TMEM117: variants seen among roughly 807,000 people sequenced by gnomAD.
The protein encoded by TMEM117 is transmembrane protein 117.
Under a neutral mutation model 52.4 loss-of-function variants are expected in TMEM117, and 27 were observed. That is an observed-to-expected ratio of 0.51 (90% CI 0.38 to 0.71). The LOEUF is 0.71. Ranked by LOEUF, TMEM117 falls within the 30% of genes least tolerant of loss-of-function variation. The probability of loss-of-function intolerance (pLI) is 0.00; values close to 1 mark genes in which losing one functional copy is unlikely to be tolerated. For missense variants in TMEM117, 556 were observed against 630.5 expected, an observed-to-expected ratio of 0.88 and a Z score of 1.26; for synonymous variants, 215 against 206.3, an observed-to-expected ratio of 1.04 and a Z score of -0.36.
At chr12:44,027,755 G>A (rs1236767032) in intron 3 of TMEM117, among the ~76,000 whole-genome samples, 1 of 152,170 alleles carries the variant, frequency 6.6e-6, no homozygotes, top group Non-Finnish European at 1.5e-5. Flanking sequence ...TGATTGTTAG[G>A]ATACCTTACA....
intron 2 of TMEM117, among the ~76,000 whole-genome samples, chr12:43,913,458 A>G (rs910937892): frequency 6.6e-5 from 10 of 152,198 alleles, no homozygotes; most frequent in Non-Finnish European, 1.5e-4. Context: ...ATGTTATGGG[A>G]TAAAAGATCC....
intron 4 of TMEM117, among the ~76,000 whole-genome samples, chr12:44,169,181 A>C (rs562249702): frequency 1.3e-5 from 2 of 152,136 alleles, no homozygotes; most frequent in Admixed American, 1.3e-4. Flanking sequence ...TTATCTCTTC[A>C]AGTCTCTGTT....
At chr12:44,284,383 T>G (rs1159732707) in intron 5 of TMEM117, among the ~76,000 whole-genome samples, 5 of 152,224 alleles carry the variant, frequency 3.3e-5, no homozygotes, top group African/African-American at 1.2e-4. Context: ...CACGTGGAAC[T>G]GTAAATCCAA....
intron 4 of TMEM117, among the ~76,000 whole-genome samples, chr12:44,206,900 C>G (rs1356321993): frequency 6.6e-6 from 1 of 152,104 alleles, no homozygotes; most frequent in African/African-American, 2.4e-5. Flanking sequence ...ATCACTTGTA[C>G]AGCAAACCCC....
chr12:43,972,366 C>T (rs904721000), intron 3 of TMEM117, among the ~76,000 whole-genome samples: 3 of 152,258 alleles, frequency 2.0e-5, no homozygotes, highest in East Asian at 1.9e-4. Context: ...AGAATGAAGC[C>T]GTGGACCTTT....
intron 6 of TMEM117, among the ~76,000 whole-genome samples, chr12:44,324,820 C>G (rs1430756426): frequency 6.6e-6 from 1 of 152,074 alleles, no homozygotes; most frequent in Non-Finnish European, 1.5e-5. Context: ...TTATCTGTAA[C>G]TGTATTAACA....
chr12:44,015,915 G>A (rs1196243231), intron 3 of TMEM117, among the ~76,000 whole-genome samples: 11 of 152,178 alleles, frequency 7.2e-5, no homozygotes, highest in Admixed American at 2.6e-4. Flanking sequence ...AAATTTTGAT[G>A]TAGAGAGTTT....
chr12:44,117,425 A>G (rs1033576047), intron 3 of TMEM117, among the ~76,000 whole-genome samples: 7 of 151,830 alleles, frequency 4.6e-5, no homozygotes, highest in African/African-American at 1.7e-4. Flanking sequence ...AATGCCTTTC[A>G]CTATTTGCAG....
chr12:44,093,254 T>G (rs958696516), intron 3 of TMEM117, among the ~76,000 whole-genome samples: 9 of 152,150 alleles, frequency 5.9e-5, no homozygotes, highest in Non-Finnish European at 1.2e-4. Flanking sequence ...CAAATTAAAT[T>G]ATATATTCAC....
chr12:44,195,887 CTAAA>C (rs1399029895), intron 4 of TMEM117, among the ~76,000 whole-genome samples: 2 of 138,012 alleles, frequency 1.4e-5, no homozygotes, highest in Non-Finnish European at 3.1e-5. Flanking sequence ...GACCCTGTCT[CTAAA>C]ATAAATAAAT....
chr12:43,882,269 G>C (rs1251995264), intron 2 of TMEM117, among the ~76,000 whole-genome samples: 2 of 151,834 alleles, frequency 1.3e-5, no homozygotes, highest in East Asian at 3.9e-4. Flanking sequence ...AGATCATCCT[G>C]GCCGACATGG....
At chr12:43,904,591 A>G (rs1259202382) in intron 2 of TMEM117, among the ~76,000 whole-genome samples, 1 of 152,056 alleles carries the variant, frequency 6.6e-6, no homozygotes, top group Non-Finnish European at 1.5e-5. Context: ...GCAAGTGCTT[A>G]ACCCTGCCTC....
chr12:44,270,163 T>C (rs1950428621), intron 5 of TMEM117, among the ~76,000 whole-genome samples: 1 of 152,116 alleles, frequency 6.6e-6, no homozygotes, highest in Non-Finnish European at 1.5e-5. Context: ...GTTGGAGTCA[T>C]AGAGATTAGG....
the TMEM117 span, among the ~76,000 whole-genome samples, chr12:43,824,790 A>G: frequency 3.3e-5 from 5 of 152,144 alleles, no homozygotes; most frequent in Admixed American, 1.3e-4. Flanking sequence ...TTAGCCGGGC[A>G]TGGTGGCGGG....
intron 5 of TMEM117, among the ~76,000 whole-genome samples, chr12:44,224,689 C>T (rs1257887610): frequency 6.6e-6 from 1 of 152,040 alleles, no homozygotes; most frequent in South Asian, 2.1e-4. Context: ...TAAGTGTGGT[C>T]CCCCAATCGC....
At chr12:44,018,725 CTTT>C (rs559433168) in intron 3 of TMEM117, among the ~76,000 whole-genome samples, 2 of 140,652 alleles carry the variant, frequency 1.4e-5, no homozygotes, top group Non-Finnish European at 1.6e-5. Context: ...CTTTTTCTTT[CTTT>C]TTTTTTTTTT....
intron 3 of TMEM117, among the ~76,000 whole-genome samples, chr12:43,977,580 T>G (rs779315291): frequency 5.3e-5 from 8 of 152,204 alleles, no homozygotes; most frequent in Non-Finnish European, 1.2e-4. Context: ...TTATTTAAAT[T>G]TAAAAAATTA....
At chr12:43,796,162 T>C in the TMEM117 span, among the ~76,000 whole-genome samples, 8 of 152,298 alleles carry the variant, frequency 5.3e-5, no homozygotes, top group East Asian at 1.5e-3. Context: ...TAAGATTGTT[T>C]TACATTTTTT....
chr12:43,963,209 G>A (rs1161019491), intron 3 of TMEM117, among the ~76,000 whole-genome samples: 1 of 150,658 alleles, frequency 6.6e-6, no homozygotes, highest in Non-Finnish European at 1.5e-5. Flanking sequence ...ATTACTTAAT[G>A]TATTCTAGTA....
Sources: allele counts gnomAD v4.1 joint callset (sites outside exome capture counted in the v4.1 genomes callset), GRCh38; gene constraint gnomAD v4.1.1; transcripts MANE v1.5; gene names NCBI Gene and HGNC (gene_info 2026-07-23, HGNC 2026-07-21).